The following KRTAP15-1 variants were observed in gnomAD, a reference collection of about 807,000 sequenced individuals.
The protein encoded by KRTAP15-1 is keratin associated protein 15-1.
For synonymous variants in KRTAP15-1, 65 were observed against 59.6 expected (o/e 1.09, Z -0.42); for missense variants, 181 against 156.8 (o/e 1.15, Z -0.83).
Position 30,440,381 on chromosome 21 carries a change from C to T in KRTAP15-1, c.54C>T (p.Tyr18=). 1 of 1,613,770 alleles carries T rather than the reference C, an allele frequency of 6.2e-7. No homozygotes were observed. The change falls in exon 1 of 1, where the codon TAC becomes TAT. Residue 18 remains tyrosine (Y), a synonymous_variant. Transcript: ENST00000334067. ...GNFSSCCFGS[Y]LRYPVSTYNL... The stretch of plus-strand genomic sequence containing the variant: ...TCTCCTCCTGCTGTTTTGGAAGTTA[C>T]CTGAGGTATCCAGTTTCCACTTATA...
chr21:30,440,444 T>C lies in KRTAP15-1; in HGVS notation c.117T>C (p.Asn39=). ...CCAGCAATGCCATCTATTCTCCAAATACCTGCCAACTGGGCTCCTCTCTCT... is the reference window on the plus strand; with the variant it reads ...CCAGCAATGCCATCTATTCTCCAAACACCTGCCAACTGGGCTCCTCTCTCT... The part of the protein sequence containing the change: ...FYPSNAIYSP[N]TCQLGSSLYN... Residue 39 remains asparagine, a synonymous_variant, in exon 1 of 1, where the codon AAT becomes AAC. Transcript: ENST00000334067. 1 of 1,614,168 alleles carries C rather than the reference T, an allele frequency of 6.2e-7. No homozygotes were observed. Among genetic ancestry groups the C allele is most frequent in the Non-Finnish European group, 8.5e-7 (1 of 1,180,000 alleles).
At position 30,440,752 on chromosome 21, in the gene KRTAP15-1, G is replaced by A. The variant is rs773624136; in HGVS notation, c.*11G>A. ...GCAACTTGTTACTAACCAGCCTTTG[G>A]GTCTCGCCTTTTTGGATCATCTTAC... On this transcript the variant is annotated 3_prime_UTR_variant, in exon 1 of 1. Coordinates refer to ENST00000334067, the MANE Select transcript of KRTAP15-1 (RefSeq NM_181623.3). 20 of 1,599,838 alleles carry A rather than the reference G, an allele frequency of 1.3e-5. No individual in the cohort carries two copies. The highest frequency in any genetic ancestry group is 3.4e-5 in the South Asian group (3 of 89,186).
Position 30,440,425 on chromosome 21 carries a change from A to T in KRTAP15-1, c.98A>T (p.Asn33Ile). 4 of 1,614,048 alleles carry T rather than the reference A, an allele frequency of 2.5e-6. No homozygotes were observed. Among genetic ancestry groups the T allele is most frequent in the Non-Finnish European group, 3.4e-6 (4 of 1,179,966 alleles). ...VSTYNLFYPS[N>I]AIYSPNTCQL... is the part of the protein sequence containing the mutation. The stretch of plus-strand genomic sequence containing the variant: ...ACTTATAATTTGTTCTACCCCAGCA[A>T]TGCCATCTATTCTCCAAATACCTGC... The change falls in exon 1 of 1, where the codon AAT becomes ATT. Residue 33 changes from asparagine to isoleucine, a missense_variant. Coordinates refer to ENST00000334067, the MANE Select transcript of KRTAP15-1 (RefSeq NM_181623.3).
rs55745422 is a variant in KRTAP15-1, at chr21:30,440,698, C to G, written c.371C>G (p.Pro124Arg). ...GACTGTGGGTCCAGCTTCTACCACC[C>G]AACTACCTTTTCATCCAGGAATTTC... ...SLDCGSSFYH[P>R]TTFSSRNFQA... The change falls in exon 1 of 1, where the codon CCA (proline) becomes CGA (arginine). Residue 124 changes from proline to arginine, a missense_variant. By Grantham distance (103) the Pro-to-Arg change is moderately radical. Coordinates refer to ENST00000334067, the MANE Select transcript of KRTAP15-1 (RefSeq NM_181623.3). The G allele has an allele frequency of 6.2e-7, 1 of 1,613,702 alleles. No homozygotes were observed. Among genetic ancestry groups the G allele is most frequent in the African/African-American group, 1.3e-5 (1 of 74,918 alleles).
chr21:30,440,346 T>C lies in KRTAP15-1; in HGVS notation c.19T>C (p.Ser7Pro), dbSNP rs767837428. MSYNCS[S>P]GNFSSCCFGS... is the part of the protein sequence containing the mutation. ...TGTTAACATGTCTTACAACTGCAGC[T>C]CTGGAAACTTCTCCTCCTGCTGTTT... Residue 7 changes from serine to proline, a missense_variant, in exon 1 of 1, where the codon TCT becomes CCT. Physicochemically the swap from Ser to Pro is moderately conservative, Grantham distance 74. Transcript: ENST00000334067. 8 of 1,608,178 alleles carry C rather than the reference T, an allele frequency of 5.0e-6. No individual in the cohort carries two copies. In the South Asian group the frequency reaches 6.7e-5, roughly 13 times the overall value.
At position 30,440,509 on chromosome 21, in the gene KRTAP15-1, G is replaced by T. The variant is rs369889232; in HGVS notation, c.182G>T (p.Cys61Phe). Residue 61 changes from cysteine to phenylalanine, a missense_variant, in exon 1 of 1, where the codon TGC becomes TTC. Cys to Phe is a radical substitution (Grantham distance 205). Coordinates refer to ENST00000334067, the MANE Select transcript of KRTAP15-1 (RefSeq NM_181623.3). ...GAGACCTACTGTGAGCCCACCAGCT[G>T]CCAGACATCCTGCACTTTGGCCAGA... ...CQETYCEPTS[C>F]QTSCTLARSY... 3.1e-6 allele frequency: 5 copies of T among 1,614,056 alleles called. No homozygotes were observed. Among genetic ancestry groups the T allele is most frequent in the East Asian group, 2.2e-5 (1 of 44,892 alleles).
chr21:30,440,762 T>G lies in KRTAP15-1; in HGVS notation c.*21T>G. 6.3e-7 allele frequency: 1 copy of G among 1,589,254 alleles called. No homozygotes were observed. The highest frequency in any genetic ancestry group is 1.1e-5 in the South Asian group (1 of 87,154). ...ACTAACCAGCCTTTGGGTCTCGCCT[T>G]TTTGGATCATCTTACTGAATATTCT... On this transcript the variant is annotated 3_prime_UTR_variant, in exon 1 of 1. Coordinates refer to ENST00000334067, the MANE Select transcript of KRTAP15-1 (RefSeq NM_181623.3).
rs1043700914 is a variant in KRTAP15-1, at chr21:30,440,861, C to A, written c.*120C>A. 4.2e-6 allele frequency: 4 copies of A among 947,644 alleles called. No homozygotes were observed. The highest frequency in any genetic ancestry group is 6.5e-6 in the Non-Finnish European group (4 of 616,618). The allele number at this position is 947,644 out of a possible 1,614,324, so 58.7% of individuals were successfully genotyped here. The stretch of plus-strand genomic sequence containing the variant: ...CCTGTCCAATATCTGTGATTGTTGA[C>A]CATCTACATCAGTAGGACTCAGCAT... On this transcript the variant is annotated 3_prime_UTR_variant, in exon 1 of 1. Coordinates refer to ENST00000334067, the MANE Select transcript of KRTAP15-1 (RefSeq NM_181623.3).
At position 30,440,777 on chromosome 21, in the gene KRTAP15-1, C is replaced by T. The variant is rs777789660; in HGVS notation, c.*36C>T. 1.3e-6 allele frequency: 2 copies of T among 1,552,946 alleles called. No homozygotes were observed. The highest frequency in any genetic ancestry group is 1.7e-6 in the Non-Finnish European group (2 of 1,143,026). Reference sequence around the variant, plus strand: ...GGTCTCGCCTTTTTGGATCATCTTACTGAATATTCTCCATTCTCTCATGAT... The same window carrying T: ...GGTCTCGCCTTTTTGGATCATCTTATTGAATATTCTCCATTCTCTCATGAT... On this transcript the variant is annotated 3_prime_UTR_variant, in exon 1 of 1. Coordinates refer to ENST00000334067, the MANE Select transcript of KRTAP15-1 (RefSeq NM_181623.3).
Position 30,440,283 on chromosome 21 carries a change from C to A in KRTAP15-1, c.-45C>A. ...GTATAGAAGGTAACATTCACACACA[C>A]ACGCTCCTCACTGCAAATCACCTGA... On this transcript the variant is annotated 5_prime_UTR_variant, in exon 1 of 1. Transcript: ENST00000334067. 2 of 1,506,382 alleles carry A rather than the reference C, an allele frequency of 1.3e-6. No homozygotes were observed. The highest frequency in any genetic ancestry group is 1.3e-5 in the South Asian group (1 of 79,512). 93.3% of individuals were successfully genotyped at this position (1,506,382 alleles called of 1,614,324 possible).
the KRTAP15-1 span, chr21:30,440,540 T>G: frequency 1.4e-5 from 22 of 1,614,046 alleles, no homozygotes; most frequent in Non-Finnish European, 1.8e-5. Context: ...CCAGATCCTA[T>G]CAGACATCCT....
In KRTAP15-1 at chr21:30,440,790, A is replaced by G; in HGVS notation, c.*49A>G. The G allele has an allele frequency of 6.6e-7, 1 of 1,506,492 alleles. No homozygotes were observed. The highest frequency in any genetic ancestry group is 9.0e-7 in the Non-Finnish European group (1 of 1,107,866). The allele number at this position is 1,506,492 out of a possible 1,614,324, so 93.3% of individuals were successfully genotyped here. On this transcript the variant is annotated 3_prime_UTR_variant, in exon 1 of 1. Coordinates refer to ENST00000334067, the MANE Select transcript of KRTAP15-1 (RefSeq NM_181623.3). The stretch of plus-strand genomic sequence containing the variant: ...TGGATCATCTTACTGAATATTCTCC[A>G]TTCTCTCATGATTATTTCTGTACTC...
Position 30,440,755 on chromosome 21 carries a change from C to A in KRTAP15-1, c.*14C>A, listed in dbSNP as rs553582405. ...ACTTGTTACTAACCAGCCTTTGGGT[C>A]TCGCCTTTTTGGATCATCTTACTGA... On this transcript the variant is annotated 3_prime_UTR_variant, in exon 1 of 1. Coordinates refer to ENST00000334067, the MANE Select transcript of KRTAP15-1 (RefSeq NM_181623.3). 1.3e-6 allele frequency: 2 copies of A among 1,597,932 alleles called. No individual in the cohort carries two copies. Among genetic ancestry groups the A allele is most frequent in the South Asian group, 2.3e-5 (2 of 88,726 alleles).
rs1343605774 is a variant in KRTAP15-1 at position 30,440,349 on chromosome 21, G to C, written c.22G>C (p.Gly8Arg). 3 of 1,609,070 alleles carry C rather than the reference G, an allele frequency of 1.9e-6. No homozygotes were observed. The highest frequency in any genetic ancestry group is 2.5e-6 in the Non-Finnish European group (3 of 1,177,592). MSYNCSS[G>R]NFSSCCFGSY... ...TAACATGTCTTACAACTGCAGCTCT[G>C]GAAACTTCTCCTCCTGCTGTTTTGG... The change falls in exon 1 of 1, where the codon GGA (glycine) becomes CGA (arginine). Residue 8 changes from glycine to arginine, a missense_variant. Transcript: ENST00000334067.
In KRTAP15-1 at chr21:30,440,746, C is replaced by G; in HGVS notation, c.*5C>G. The G allele has an allele frequency of 6.2e-7, 1 of 1,604,452 alleles. No individual in the cohort carries two copies. Among genetic ancestry groups the G allele is most frequent in the Non-Finnish European group, 8.5e-7 (1 of 1,175,718 alleles). ...TTCCAGGCAACTTGTTACTAACCAG[C>G]CTTTGGGTCTCGCCTTTTTGGATCA... On this transcript the variant is annotated 3_prime_UTR_variant, in exon 1 of 1. Coordinates refer to ENST00000334067, the MANE Select transcript of KRTAP15-1 (RefSeq NM_181623.3).
At position 30,440,700 on chromosome 21, in the gene KRTAP15-1, A is replaced by G. The variant is rs781444398; in HGVS notation, c.373A>G (p.Thr125Ala). Residue 125 changes from threonine to alanine, a missense_variant, in exon 1 of 1, where the codon ACT (threonine) becomes GCT (alanine). Coordinates refer to ENST00000334067, the MANE Select transcript of KRTAP15-1 (RefSeq NM_181623.3). ...CTGTGGGTCCAGCTTCTACCACCCA[A>G]CTACCTTTTCATCCAGGAATTTCCA... ...LDCGSSFYHP[T>A]TFSSRNFQAT... The G allele has an allele frequency of 3.1e-5, 50 of 1,613,580 alleles. No homozygotes were observed. The South Asian group carries it at 4.7e-4, about 15-fold the overall frequency.
In KRTAP15-1 at chr21:30,440,646, T is replaced by C; in HGVS notation, c.319T>C (p.Cys107Arg). 1 of 1,614,212 alleles carries C rather than the reference T, an allele frequency of 6.2e-7. No homozygotes were observed. The highest frequency in any genetic ancestry group is 8.5e-7 in the Non-Finnish European group (1 of 1,180,010). ...CGNTGLGSLG[C>R]GSTGFQSLDC... Reference sequence around the variant, plus strand: ...AAACACTGGCCTTGGATCTCTTGGTTGTGGAAGCACTGGCTTCCAATCTCT... The same window carrying C: ...AAACACTGGCCTTGGATCTCTTGGTCGTGGAAGCACTGGCTTCCAATCTCT... The change falls in exon 1 of 1, where the codon TGT becomes CGT. Residue 107 changes from cysteine (C) to arginine (R), a missense_variant. Cys to Arg is a radical substitution (Grantham distance 180). Transcript: ENST00000334067.
Position 30,440,433 on chromosome 21 carries a change from T to C in KRTAP15-1, c.106T>C (p.Tyr36His), listed in dbSNP as rs1984689123. Residue 36 changes from tyrosine to histidine, a missense_variant, in exon 1 of 1, where the codon TAT (tyrosine) becomes CAT (histidine). Physicochemically the swap from Tyr to His is moderately conservative, Grantham distance 83. Transcript: ENST00000334067. ...YNLFYPSNAI[Y>H]SPNTCQLGSS... ...TTTGTTCTACCCCAGCAATGCCATCTATTCTCCAAATACCTGCCAACTGGG... is the reference window on the plus strand; with the variant it reads ...TTTGTTCTACCCCAGCAATGCCATCCATTCTCCAAATACCTGCCAACTGGG... The C allele has an allele frequency of 6.2e-7, 1 of 1,614,040 alleles. No individual in the cohort carries two copies. The highest frequency in any genetic ancestry group is 8.5e-7 in the Non-Finnish European group (1 of 1,180,016).
Position 30,440,292 on chromosome 21 carries a change from C to T in KRTAP15-1, c.-36C>T. On this transcript the variant is annotated 5_prime_UTR_variant, in exon 1 of 1. Transcript: ENST00000334067. ...GTAACATTCACACACACACGCTCCT[C>T]ACTGCAAATCACCTGAGCTCAGAAC... 6.4e-7 allele frequency: 1 copy of T among 1,551,616 alleles called. No individual in the cohort carries two copies. Among genetic ancestry groups the T allele is most frequent in the Non-Finnish European group, 8.8e-7 (1 of 1,141,896 alleles).
Sources: gnomAD v4.1 joint callset for allele counts on GRCh38, gnomAD v4.1.1 for gene constraint, MANE v1.5 for transcripts, NCBI Gene and HGNC (gene_info 2026-07-23, HGNC 2026-07-21) for gene names.